TRDN: variants seen among roughly 807,000 people sequenced by gnomAD.
The protein encoded by TRDN is triadin.
In TRDN, 161 loss-of-function variants were observed where a neutral mutation model predicts 149.7. The ratio of observed to expected loss-of-function variants is 1.08; its 90% CI spans 0.95 to 1.23. TRDN has a LOEUF of 1.23. Ranked by LOEUF, TRDN falls within the 50% of genes most tolerant of loss-of-function variation. The pLI, the probability that TRDN is intolerant of heterozygous loss-of-function variation, is 0.00. For synonymous variants in TRDN, 294 were observed against 250.5 expected (o/e 1.17, Z -1.64); for missense variants, 896 against 823.5 (o/e 1.09, Z -1.08).
Position 123,535,153 on chromosome 6 carries a change from G to A in TRDN, c.425-4588C>T, listed in dbSNP as rs141797068. ...AGTTTCTATTTGAATTTTGAGAAGG[G>A]AAGAAGGGAAAAAGACACGGAAAAA... On this transcript the variant is annotated intron_variant, in intron 4 of 40. Transcript: ENST00000334268. Among the ~76,000 whole-genome samples, 25 of 152,178 alleles carry A rather than the reference G, an allele frequency of 1.6e-4. No homozygotes were observed. The East Asian group carries it at 3.9e-3, about 24-fold the overall frequency.
rs189119912 is a variant in TRDN, at chr6:123,263,301, T to C, written c.1804+2017A>G. Among the ~76,000 whole-genome samples the C allele has an allele frequency of 9.9e-5, 15 of 152,126 alleles. No individual in the cohort carries two copies. The East Asian group carries it at 2.9e-3, about 29-fold the overall frequency. On this transcript the variant is annotated intron_variant, in intron 33 of 40. Coordinates refer to ENST00000334268, the MANE Select transcript of TRDN (RefSeq NM_006073.4). ...ATCTACAGCAAGGCCCTAACTCCCT[T>C]CAATTCTATGAAGGCTGAGAGAAGT...
intron 1 of TRDN, 68 bp from the exon 2 acceptor site, chr6:123,571,200 CT>C (rs1782561241): frequency 6.6e-7 from 1 of 1,523,568 alleles, no homozygotes; most frequent in Admixed American, 1.8e-5. Context: ...ATGAGAAACA[CT>C]GACTATATGA....
intron 4 of TRDN, among the ~76,000 whole-genome samples, chr6:123,536,190 C>G (rs942074338): frequency 6.6e-6 from 1 of 152,128 alleles, no homozygotes; most frequent in Non-Finnish European, 1.5e-5. Flanking sequence ...ATTTGTCTCT[C>G]TCACTAAATA....
chr6:123,534,769 A>G (rs1317555472), intron 4 of TRDN, among the ~76,000 whole-genome samples: 1 of 152,216 alleles, frequency 6.6e-6, no homozygotes, highest in South Asian at 2.1e-4. Context: ...ATTTGCAAAG[A>G]TAGGTGAATG....
intron 9 of TRDN, among the ~76,000 whole-genome samples, chr6:123,479,240 TTC>T (rs1777636858): frequency 6.6e-6 from 1 of 152,180 alleles, no homozygotes; most frequent in Admixed American, 6.5e-5. Context: ...TCATTTATAG[TTC>T]TAGACCAAAG....
At chr6:123,350,246 T>C (rs1365502257) in intron 21 of TRDN, 1 of 962,092 alleles carries the variant, frequency 1.0e-6, no homozygotes, top group East Asian at 1.1e-4. Flanking sequence ...AACTGAATAC[T>C]ACATTATTCT....
chr6:123,260,270 C>T (rs1354496207), intron 34 of TRDN, among the ~76,000 whole-genome samples: 1 of 151,976 alleles, frequency 6.6e-6, no homozygotes, highest in Non-Finnish European at 1.5e-5. Flanking sequence ...TGAATTAAAG[C>T]AATAAAAATG....
At chr6:123,267,632 T>A in intron 32 of TRDN, 75 bp downstream of exon 32, 1 of 997,726 alleles carries the variant, frequency 1.0e-6, no homozygotes, top group Non-Finnish European at 1.4e-6. Context: ...ATGACTTGTA[T>A]GCATTACTTT....
At chr6:123,630,005 T>C (rs756925340) in intron 1 of TRDN, among the ~76,000 whole-genome samples, 1 of 151,996 alleles carries the variant, frequency 6.6e-6, no homozygotes, top group African/African-American at 2.4e-5. Context: ...AAGCCTGTCA[T>C]TCGTATTATC....
intron 4 of TRDN, among the ~76,000 whole-genome samples, chr6:123,544,246 TACACACACACACACACACACACAC>T (rs71021453): frequency 6.2e-5 from 9 of 144,328 alleles, no homozygotes; most frequent in South Asian, 2.3e-4. Flanking sequence ...CATCTGTACA[TACACACACACACACACACACACAC>T]ACACACACAC....
chr6:123,540,916 C>CT (rs1780804503), intron 4 of TRDN, among the ~76,000 whole-genome samples: 2 of 152,226 alleles, frequency 1.3e-5, no homozygotes, highest in South Asian at 2.1e-4. Flanking sequence ...TTCTGTTATG[C>CT]TTTTTTTGTT....
chr6:123,530,013 T>C (rs1780158202), intron 5 of TRDN, among the ~76,000 whole-genome samples: 1 of 152,012 alleles, frequency 6.6e-6, no homozygotes, highest in Non-Finnish European at 1.5e-5. Flanking sequence ...CATCATGCTG[T>C]CACTGTCCAT....
intron 1 of TRDN, among the ~76,000 whole-genome samples, chr6:123,597,088 T>A (rs1784071363): frequency 6.6e-6 from 1 of 152,122 alleles, no homozygotes; most frequent in South Asian, 2.1e-4. Flanking sequence ...TCTGGAGGAT[T>A]CACCATTCTA....
intron 7 of TRDN, among the ~76,000 whole-genome samples, chr6:123,504,238 A>T (rs1778820710): frequency 6.6e-6 from 1 of 152,036 alleles, no homozygotes; most frequent in African/African-American, 2.4e-5. Flanking sequence ...CATGCAGGGG[A>T]TGGATGTACA....
At chr6:123,514,480 T>C (rs1457105711) in intron 6 of TRDN, among the ~76,000 whole-genome samples, 1 of 152,110 alleles carries the variant, frequency 6.6e-6, no homozygotes, top group Non-Finnish European at 1.5e-5. Flanking sequence ...CACCTAAAAA[T>C]TCAAGAATCT....
At chr6:123,369,898 T>C (rs1781257446) in intron 19 of TRDN, among the ~76,000 whole-genome samples, 1 of 152,180 alleles carries the variant, frequency 6.6e-6, no homozygotes, top group Non-Finnish European at 1.5e-5. Context: ...GCTTTCACAA[T>C]GTCTCATGTC....
chr6:123,359,686 A>G (rs1562277382), intron 20 of TRDN, among the ~76,000 whole-genome samples: 1 of 151,538 alleles, frequency 6.6e-6, no homozygotes, highest in African/African-American at 2.4e-5. Flanking sequence ...TGTGAAGGGG[A>G]TTTGTTTGTT....
intron 38 of TRDN, among the ~76,000 whole-genome samples, chr6:123,248,890 C>T (rs1365774100): frequency 2.0e-5 from 3 of 152,204 alleles, no homozygotes; most frequent in Middle Eastern, 3.4e-3. Flanking sequence ...TACCCTGATA[C>T]CAAAACCAGA....
At position 123,614,218 on chromosome 6, in the gene TRDN, A is replaced by T. The variant is rs191305044; in HGVS notation, c.22+22536T>A. Among the ~76,000 whole-genome samples the T allele has an allele frequency of 1.3e-4, 20 of 150,866 alleles. 1 individual carries two copies. Among genetic ancestry groups the T allele is most frequent in the Admixed American group, 1.0e-3 (15 of 15,070 alleles). On this transcript the variant is annotated intron_variant, in intron 1 of 40. Transcript: ENST00000334268. Reference sequence around the variant, plus strand: ...GGAGGCATGGCTGTAGGTATGTATAAATCACTTCCTGCTTTAAACTCCCCA... The same window carrying T: ...GGAGGCATGGCTGTAGGTATGTATATATCACTTCCTGCTTTAAACTCCCCA...
Sources: gnomAD v4.1 joint callset for allele counts (sites outside exome capture counted in the v4.1 genomes callset) on GRCh38, gnomAD v4.1.1 for gene constraint, MANE v1.5 for transcripts, NCBI Gene and HGNC (gene_info 2026-07-23, HGNC 2026-07-21) for gene names.